PTPN2: variants seen among roughly 807,000 people sequenced by gnomAD.
PTPN2 encodes tyrosine-protein phosphatase non-receptor type 2.
A neutral mutation model predicts 57.3 loss-of-function variants in PTPN2; 19 were observed. The observed-to-expected ratio is 0.33, with a 90% CI of 0.23 to 0.49. The LOEUF (loss-of-function observed/expected upper bound fraction) is 0.49, where lower values mean the gene tolerates loss of function less well. Among genes scored for constraint, PTPN2 ranks in the 20% least tolerant of loss-of-function variants. PTPN2 has a pLI of 0.99. For missense variants in PTPN2, 358 were observed against 501.1 expected (o/e 0.71, Z 2.73); for synonymous variants, 153 against 164.9 (o/e 0.93, Z 0.55).
intron 2 of PTPN2, among the ~76,000 whole-genome samples, chr18:12,856,426 A>G (rs2043591708): frequency 6.6e-6 from 1 of 152,172 alleles, no homozygotes; most frequent in Non-Finnish European, 1.5e-5. Context: ...GGGGCAAAGA[A>G]GAAGAAGAGT....
At chr18:12,813,276 G>A (rs1240342840) in intron 7 of PTPN2, among the ~76,000 whole-genome samples, 2 of 152,190 alleles carry the variant, frequency 1.3e-5, no homozygotes, top group Non-Finnish European at 1.5e-5. Flanking sequence ...CTAAATCACT[G>A]ATCACTGCCA....
chr18:12,828,418 G>A (rs1375506248), intron 4 of PTPN2, among the ~76,000 whole-genome samples: 1 of 152,028 alleles, frequency 6.6e-6, no homozygotes, highest in African/African-American at 2.4e-5. Context: ...ACCAGGAAGA[G>A]AATGAAAAAA....
intron 1 of PTPN2, chr18:12,864,153 T>A (rs2043912873): frequency 1.4e-5 from 2 of 145,046 alleles, no homozygotes; most frequent in African/African-American, 2.6e-5. Context: ...GAAAAACAAA[T>A]CAGTAAATGG....
At chr18:12,840,747 G>A (rs1482490018) in intron 2 of PTPN2, 1 of 1,598,354 alleles carries the variant, frequency 6.3e-7, no homozygotes, top group Non-Finnish European at 8.5e-7. Context: ...ATGTCTCCCT[G>A]ATCCATCCAG....
At chr18:12,874,327 G>C (rs1366840364) in intron 1 of PTPN2, among the ~76,000 whole-genome samples, 13 of 137,986 alleles carry the variant, frequency 9.4e-5, no homozygotes, top group African/African-American at 3.3e-4. Context: ...CGCTTGGCCA[G>C]CCGCCCCGTC....
At chr18:12,805,486 AT>A (rs1202284091) in intron 7 of PTPN2, among the ~76,000 whole-genome samples, 5 of 151,910 alleles carry the variant, frequency 3.3e-5, no homozygotes, top group African/African-American at 1.2e-4. Flanking sequence ...ACATACCTTC[AT>A]GATAAAAACT....
chr18:12,871,500 A>G (rs145764268), intron 1 of PTPN2, among the ~76,000 whole-genome samples: 63 of 152,238 alleles, frequency 4.1e-4, no homozygotes, highest in African/African-American at 1.4e-3. Context: ...ACATATTAAG[A>G]AAGTTTAGTT....
chr18:12,852,076 T>TA (rs1279204537), intron 2 of PTPN2, among the ~76,000 whole-genome samples: 1 of 152,058 alleles, frequency 6.6e-6, no homozygotes, highest in Non-Finnish European at 1.5e-5. Flanking sequence ...TCAATGGATT[T>TA]AGAGTTTCAG....
In PTPN2 at chr18:12,785,508, A is replaced by G. The variant is rs2040826492; in HGVS notation, c.*315T>C. 7.4e-6 allele frequency: 3 copies of G among 403,698 alleles called. No individual in the cohort carries two copies. The South Asian group carries it at 9.7e-5, about 13-fold the overall frequency. 25.0% of individuals were successfully genotyped at this position (403,698 alleles called of 1,614,324 possible). On this transcript the variant is annotated 3_prime_UTR_variant, in exon 10 of 10. Coordinates refer to the PTPN2 transcript ENST00000327283. ...TTTAACAAAAATATTTAATGCTGCC[A>G]AAAAGTATAAAAATACAGTAGGAAT...
At chr18:12,823,431 T>C (rs1351434665) in intron 5 of PTPN2, among the ~76,000 whole-genome samples, 1 of 152,066 alleles carries the variant, frequency 6.6e-6, no homozygotes, top group Non-Finnish European at 1.5e-5. Flanking sequence ...CCCAGCACTT[T>C]GGGAGGCTGA....
chr18:12,870,279 A>G (rs1487300108), intron 1 of PTPN2, among the ~76,000 whole-genome samples: 32 of 76,690 alleles, frequency 4.2e-4, no homozygotes, highest in African/African-American at 7.9e-4. Context: ...ATATGTATAT[A>G]TATACATATA....
At chr18:12,855,889 T>A (rs1211267022) in intron 2 of PTPN2, among the ~76,000 whole-genome samples, 1 of 152,226 alleles carries the variant, frequency 6.6e-6, no homozygotes, top group Non-Finnish European at 1.5e-5. Context: ...GTAATATGCT[T>A]CACTACATTT....
intron 8 of PTPN2, among the ~76,000 whole-genome samples, chr18:12,797,261 C>A (rs1346473068): frequency 1.3e-5 from 2 of 151,956 alleles, no homozygotes; most frequent in South Asian, 2.1e-4. Flanking sequence ...TAGATATAAT[C>A]TTTAACGTAT....
chr18:12,829,582 C>G (rs561010093), intron 4 of PTPN2, among the ~76,000 whole-genome samples: 71 of 150,522 alleles, frequency 4.7e-4, no homozygotes, highest in Middle Eastern at 3.5e-3. Context: ...GTAATTTGAT[C>G]AAAAATAAGG....
intron 3 of PTPN2, 57 bp from the exon 4 acceptor site, chr18:12,831,098 C>A: frequency 8.0e-7 from 1 of 1,252,334 alleles, no homozygotes; most frequent in Non-Finnish European, 1.2e-6. Flanking sequence ...GAGCAAGGCT[C>A]CAGGAAGGCC....
intron 2 of PTPN2, among the ~76,000 whole-genome samples, chr18:12,838,324 G>A (rs546734338): frequency 1.3e-5 from 2 of 152,302 alleles, no homozygotes; most frequent in African/African-American, 4.8e-5. Context: ...CTCACAGGGT[G>A]CTGGGAATCT....
downstream of PTPN2, among the ~76,000 whole-genome samples, chr18:12,790,393 T>C (rs573527976): frequency 6.6e-6 from 1 of 152,202 alleles, no homozygotes; most frequent in East Asian, 1.9e-4. Flanking sequence ...GAACTAGATA[T>C]GTAATCTAGT....
At chr18:12,812,478 A>G (rs1055611089) in intron 7 of PTPN2, among the ~76,000 whole-genome samples, 20 of 152,156 alleles carry the variant, frequency 1.3e-4, no homozygotes, top group Non-Finnish European at 2.6e-4. Context: ...AGGCACCTGT[A>G]ATCCCAACTA....
At chr18:12,819,147 C>A in intron 5 of PTPN2, 2 of 645,716 alleles carry the variant, frequency 3.1e-6, no homozygotes, top group Non-Finnish European at 4.7e-6. Context: ...TTCTATGTCC[C>A]AGACTCAGTA....
Sources: gnomAD v4.1 joint callset for allele counts (sites outside exome capture counted in the v4.1 genomes callset) on GRCh38, gnomAD v4.1.1 for gene constraint, MANE v1.5 for transcripts, NCBI Gene and HGNC (gene_info 2026-07-23, HGNC 2026-07-21) for gene names.